Variants in ADAMTSL1 observed in about 807,000 individuals in gnomAD.
ADAMTSL1 encodes ADAMTS like 1.
In ADAMTSL1, 126 loss-of-function variants were observed where a neutral mutation model predicts 201.8. The observed-to-expected ratio is 0.62, with a 90% CI of 0.54 to 0.72. ADAMTSL1 has a LOEUF of 0.72. Among genes scored for constraint, ADAMTSL1 ranks in the 30% least tolerant of loss-of-function variants. The pLI is 0.00. For synonymous variants in ADAMTSL1, 1,121 were observed against 903.4 expected, an observed-to-expected ratio of 1.24 and a Z score of -4.32; for missense variants, 2,679 against 2,277.8, an observed-to-expected ratio of 1.18 and a Z score of -3.59.
chr9:18,527,498 T>C (rs535278643), intron 2 of ADAMTSL1, among the ~76,000 whole-genome samples: 3 of 152,246 alleles, frequency 2.0e-5, no homozygotes, highest in African/African-American at 7.2e-5. Flanking sequence ...TAAAAAGGCT[T>C]ATATGAGAAG....
intron 1 of ADAMTSL1, among the ~76,000 whole-genome samples, chr9:18,144,187 A>G (rs76700888): frequency 7.6e-4 from 84 of 110,690 alleles, no homozygotes; most frequent in East Asian, 7.4e-3. Flanking sequence ...TAGTATATAC[A>G]TCTTTTTCTT....
At chr9:18,737,584 T>C (rs1429371698) in intron 15 of ADAMTSL1, among the ~76,000 whole-genome samples, 1 of 152,208 alleles carries the variant, frequency 6.6e-6, no homozygotes, top group Non-Finnish European at 1.5e-5. Flanking sequence ...TATGGCTTCA[T>C]TCTTTATATT....
At chr9:18,697,147 G>A (rs1190346179) in intron 13 of ADAMTSL1, among the ~76,000 whole-genome samples, 1 of 151,926 alleles carries the variant, frequency 6.6e-6, no homozygotes, top group Non-Finnish European at 1.5e-5. Flanking sequence ...CCCCCCAAGT[G>A]CTGGGATTAC....
chr9:18,583,204 C>T (rs1049949375), intron 4 of ADAMTSL1, among the ~76,000 whole-genome samples: 7 of 152,160 alleles, frequency 4.6e-5, no homozygotes, highest in African/African-American at 1.2e-4. Flanking sequence ...TTTCGTGGGC[C>T]GGGCCCAGGA....
intron 2 of ADAMTSL1, among the ~76,000 whole-genome samples, chr9:18,268,267 G>T (rs1321613691): frequency 6.6e-6 from 1 of 152,082 alleles, no homozygotes; most frequent in Non-Finnish European, 1.5e-5. Context: ...TACTTGTATT[G>T]ATTATAATAG....
rs551485849 is a variant in ADAMTSL1, at chr9:18,716,816, T to C, written c.1877-4720T>C. On this transcript the variant is annotated intron_variant, in intron 14 of 28. Transcript: ENST00000380548. ...ATGTTTATTGCGGCATTATTCACAA[T>C]AGCAAAGACTTGGAACCAACCCAAA... Among the ~76,000 whole-genome samples, 158 of 139,716 alleles carry C rather than the reference T, an allele frequency of 1.1e-3. 1 individual carries two copies. Among genetic ancestry groups the C allele is most frequent in the African/African-American group, 3.8e-3 (142 of 37,642 alleles). The allele number at this position is 139,716 out of a possible 152,430, so 91.7% of individuals were successfully genotyped here.
chr9:18,072,142 G>A (rs1028071332), intron 1 of ADAMTSL1, among the ~76,000 whole-genome samples: 6 of 152,094 alleles, frequency 3.9e-5, no homozygotes, highest in Non-Finnish European at 8.8e-5. Context: ...TGTATTTGTC[G>A]TTTTTCTTGT....
chr9:18,346,385 G>C (rs1343814589), intron 2 of ADAMTSL1, among the ~76,000 whole-genome samples: 1 of 152,096 alleles, frequency 6.6e-6, no homozygotes, highest in Non-Finnish European at 1.5e-5. Flanking sequence ...AAAAGAGCTC[G>C]AGCTTTTGGA....
At chr9:18,109,146 C>T (rs115602784) in intron 1 of ADAMTSL1, among the ~76,000 whole-genome samples, 2 of 152,150 alleles carry the variant, frequency 1.3e-5, no homozygotes, top group Admixed American at 1.3e-4. Context: ...CAAATTCCCT[C>T]GCCTAATTTG....
At chr9:18,342,608 A>T (rs1248494706) in intron 2 of ADAMTSL1, among the ~76,000 whole-genome samples, 1 of 152,164 alleles carries the variant, frequency 6.6e-6, no homozygotes, top group Admixed American at 6.6e-5. Context: ...CTTCTAACAG[A>T]TTAGATGATG....
chr9:17,962,458 T>A (rs1279382573), intron 1 of ADAMTSL1, among the ~76,000 whole-genome samples: 1 of 152,222 alleles, frequency 6.6e-6, no homozygotes, highest in African/African-American at 2.4e-5. Context: ...TTTTCATCTC[T>A]CAGTACTGTG....
At chr9:17,989,086 T>C (rs573888657) in intron 1 of ADAMTSL1, among the ~76,000 whole-genome samples, 1 of 151,972 alleles carries the variant, frequency 6.6e-6, no homozygotes, top group Non-Finnish European at 1.5e-5. Flanking sequence ...TAAGCTTATA[T>C]AGAGGAAACT....
chr9:17,968,996 A>T (rs1306869495), intron 1 of ADAMTSL1, among the ~76,000 whole-genome samples: 2 of 151,868 alleles, frequency 1.3e-5, no homozygotes, highest in East Asian at 3.9e-4. Flanking sequence ...CCCCTTTTTG[A>T]ATCCTACTTC....
intron 1 of ADAMTSL1, among the ~76,000 whole-genome samples, chr9:17,932,768 T>A (rs1375208446): frequency 1.3e-5 from 2 of 152,350 alleles, no homozygotes; most frequent in South Asian, 4.1e-4. Context: ...CTTATTACAA[T>A]AGACTATTCT....
chr9:17,993,450 C>T (rs1480857213), intron 1 of ADAMTSL1, among the ~76,000 whole-genome samples: 1 of 108,462 alleles, frequency 9.2e-6, no homozygotes, highest in Non-Finnish European at 1.8e-5. Flanking sequence ...TAATAAGAGC[C>T]TGTCGTAGTT....
Position 18,910,709 on chromosome 9 carries a change from T to C in ADAMTSL1, c.*2161T>C, listed in dbSNP as rs2131641512. ...AAAGAGCAAGCATCCTCCAGCTCCATGTTGGGTTGGAGCAGTTGGCAGTGG... is the reference window on the plus strand; with the variant it reads ...AAAGAGCAAGCATCCTCCAGCTCCACGTTGGGTTGGAGCAGTTGGCAGTGG... On this transcript the variant is annotated 3_prime_UTR_variant, in exon 29 of 29. Transcript: ENST00000380548. 6.6e-6 allele frequency: 1 copy of C among 152,310 alleles called. No individual in the cohort carries two copies. Among genetic ancestry groups the C allele is most frequent in the Non-Finnish European group, 1.5e-5 (1 of 68,020 alleles). 9.4% of individuals were successfully genotyped at this position (152,310 alleles called of 1,614,324 possible).
At chr9:18,649,878 G>C (rs1587798605) in intron 7 of ADAMTSL1, among the ~76,000 whole-genome samples, 1 of 152,152 alleles carries the variant, frequency 6.6e-6, no homozygotes, top group Non-Finnish European at 1.5e-5. Context: ...CCCGTTCTCA[G>C]ATCTCCAGCT....
intron 2 of ADAMTSL1, among the ~76,000 whole-genome samples, chr9:18,200,540 A>C (rs574023239): frequency 1.1e-4 from 16 of 152,028 alleles, no homozygotes; most frequent in Non-Finnish European, 2.1e-4. Context: ...CTATACTATC[A>C]TTTAACTTAA....
At chr9:18,313,210 T>C (rs143804956) in intron 2 of ADAMTSL1, among the ~76,000 whole-genome samples, 2 of 152,352 alleles carry the variant, frequency 1.3e-5, no homozygotes, top group African/African-American at 4.8e-5. Flanking sequence ...ATGCTGATAC[T>C]GTTCGTCCTC....
Sources: allele counts gnomAD v4.1 joint callset (sites outside exome capture counted in the v4.1 genomes callset), GRCh38; gene constraint gnomAD v4.1.1; transcripts MANE v1.5; gene names NCBI Gene and HGNC (gene_info 2026-07-23, HGNC 2026-07-21).